DMXL1: variants seen among roughly 807,000 people sequenced by gnomAD.
DMXL1 encodes Dmx like 1, also known as dmX-like protein 1.
A neutral mutation model predicts 319.2 loss-of-function variants in DMXL1; 99 were observed. The observed-to-expected ratio is 0.31, with a 90% CI of 0.26 to 0.37. The LOEUF (loss-of-function observed/expected upper bound fraction) is 0.37, where lower values mean the gene tolerates loss of function less well. Among genes scored for constraint, DMXL1 ranks in the 10% least tolerant of loss-of-function variants. DMXL1 has a pLI of 1.00. For synonymous variants in DMXL1, 1,385 were observed against 1,235.2 expected (o/e 1.12, Z -2.54); for missense variants, 3,745 against 3,595.6 (o/e 1.04, Z -1.06).
rs201634842 is a variant in DMXL1 at position 119,202,883 on chromosome 5, T to TTATATATATATATATATATATATATA, written c.7746-435_7746-434insATATATATATATATATATATATATAT. ...TACATACATATATATATATATATAT[T>TTATATATATATATATATATATATATA]TTTATATATATATATATATATATTT... On this transcript the variant is annotated intron_variant, in intron 32 of 43. Coordinates refer to ENST00000539542, the MANE Select transcript of DMXL1 (RefSeq NM_001290321.3). Among the ~76,000 whole-genome samples, 129 of 71,410 alleles carry TTATATATATATATATATATATATATA rather than the reference T, an allele frequency of 1.8e-3. 2 individuals carry two copies. The highest frequency in any genetic ancestry group is 4.9e-3 in the African/African-American group (123 of 25,260). The allele number at this position is 71,410 out of a possible 152,430, so 46.8% of individuals were successfully genotyped here. A position where few individuals can be genotyped will look rare whatever the true frequency, so the allele number is the denominator to read the frequency against.
At chr5:119,230,848 C>T (rs1033000207) in intron 38 of DMXL1, among the ~76,000 whole-genome samples, 5 of 152,182 alleles carry the variant, frequency 3.3e-5, no homozygotes, top group African/African-American at 9.6e-5. Flanking sequence ...CACGATTGCA[C>T]TCCAGCCTGG....
chr5:119,221,287 G>C (rs925452734), intron 37 of DMXL1, among the ~76,000 whole-genome samples: 1 of 152,018 alleles, frequency 6.6e-6, no homozygotes, highest in Non-Finnish European at 1.5e-5. Context: ...AATATACTTT[G>C]CTTGAAAACC....
intron 18 of DMXL1, among the ~76,000 whole-genome samples, chr5:119,151,369 A>C (rs900315500): frequency 3.0e-4 from 46 of 152,322 alleles, no homozygotes; most frequent in African/African-American, 1.0e-3. Flanking sequence ...ATATAGGGTA[A>C]ATTTAATATA....
chr5:119,102,271 C>G (rs889201462), intron 3 of DMXL1: 2 of 266,190 alleles, frequency 7.5e-6, no homozygotes, highest in South Asian at 1.2e-4. Context: ...AGTCAGTAAC[C>G]TAAAGTTTGG....
Position 119,150,389 on chromosome 5 carries a change from C to G in DMXL1, c.4562C>G (p.Thr1521Ser), listed in dbSNP as rs1769501733. The G allele has an allele frequency of 1.2e-6, 2 of 1,613,184 alleles. No homozygotes were observed. Among genetic ancestry groups the G allele is most frequent in the South Asian group, 1.1e-5 (1 of 90,982 alleles). ...ALADTIATTS[T>S]DIGESRDRSQ... Reference sequence around the variant, plus strand: ...GCAGATACAATTGCAACTACAAGCACTGATATTGGAGAAAGCCGAGACAGA... The same window carrying G: ...GCAGATACAATTGCAACTACAAGCAGTGATATTGGAGAAAGCCGAGACAGA... The change falls in exon 18 of 44, where the codon ACT (threonine) becomes AGT (serine). Residue 1521 changes from threonine to serine, a missense_variant. Thr to Ser is a moderately conservative substitution (Grantham distance 58). Around this residue, in one of 4 missense-constraint regions of DMXL1, gnomAD observed 2,096 missense variants for 1,985.4 expected, o/e 1.06. Transcript: ENST00000539542.
At position 119,233,335 on chromosome 5, in the gene DMXL1, T is replaced by A. The variant is rs1787136701; in HGVS notation, c.8339-5T>A. On this transcript the variant is annotated splice_region_variant and splice_polypyrimidine_tract_variant and intron_variant, in intron 38 of 43. Coordinates refer to ENST00000539542, the MANE Select transcript of DMXL1 (RefSeq NM_001290321.3). ...ATCTGCAATTTTTGCCCTCTTGTAA[T>A]GCAGATCTGACAGGAGCTCAAGATG... 6.2e-7 allele frequency: 1 copy of A among 1,610,402 alleles called. No homozygotes were observed. The highest frequency in any genetic ancestry group is 8.5e-7 in the Non-Finnish European group (1 of 1,178,260).
At chr5:119,229,557 C>G (rs1304837666) in intron 38 of DMXL1, among the ~76,000 whole-genome samples, 2 of 152,174 alleles carry the variant, frequency 1.3e-5, no homozygotes, top group Non-Finnish European at 2.9e-5. Flanking sequence ...GTTCTGTACT[C>G]TTCCTCTTTC....
At chr5:119,122,591 C>A (rs575151337) in intron 9 of DMXL1, among the ~76,000 whole-genome samples, 3 of 147,570 alleles carry the variant, frequency 2.0e-5, no homozygotes, top group South Asian at 4.3e-4. Flanking sequence ...TCTGACGGGT[C>A]GGTTGCCAGG....
rs1173595789 is a variant in DMXL1 at position 119,164,478 on chromosome 5, T to C, written c.4703-29T>C. 5 of 1,594,118 alleles carry C rather than the reference T, an allele frequency of 3.1e-6. No individual in the cohort carries two copies. The Admixed American group carries it at 6.7e-5, about 21-fold the overall frequency. ...ATCATATAAGCATATTTATAATTCT[T>C]ATAAACATCATTTTTTACATTTCTT... On this transcript the variant is annotated intron_variant, in intron 19 of 43. Transcript: ENST00000539542.
rs551555647 is a variant in DMXL1, at chr5:119,171,075, G to A, written c.6284G>A (p.Gly2095Glu). The A allele has an allele frequency of 1.9e-6, 3 of 1,613,812 alleles. No homozygotes were observed. The highest frequency in any genetic ancestry group is 2.7e-5 in the African/African-American group (2 of 75,014). Residue 2095 changes from glycine (G) to glutamate (E), a missense_variant, in exon 24 of 44, where the codon GGA (glycine) becomes GAA (glutamate). Physicochemically the swap from Gly to Glu is moderately conservative, Grantham distance 98. Around this residue, in one of 4 missense-constraint regions of DMXL1, gnomAD observed 1,382 missense variants for 1,269.5 expected, o/e 1.09. Transcript: ENST00000539542. Reference sequence around the variant, plus strand: ...TTTGGCAGAAATGAAGATGAATTTGGATTAAATGAGGATGCTGAAGATTTG... The same window carrying A: ...TTTGGCAGAAATGAAGATGAATTTGAATTAAATGAGGATGCTGAAGATTTG... Reference protein sequence around the residue: ...SAFGRNEDEFGLNEDAEDLPH... With the variant: ...SAFGRNEDEFELNEDAEDLPH...
intron 38 of DMXL1, among the ~76,000 whole-genome samples, chr5:119,228,335 T>G (rs556455293): frequency 6.6e-6 from 1 of 152,322 alleles, no homozygotes; most frequent in African/African-American, 2.4e-5. Flanking sequence ...CATCTGTCAG[T>G]GACAAAAGAC....
chr5:119,177,878 A>C (rs1776102411), intron 27 of DMXL1, 118 bp from the exon 28 acceptor site: 6 of 893,246 alleles, frequency 6.7e-6, no homozygotes, highest in Non-Finnish European at 9.5e-6. Flanking sequence ...CTAGGGAAGA[A>C]AATACAGTAT....
At chr5:119,196,965 G>A (rs1435742010) in intron 31 of DMXL1, among the ~76,000 whole-genome samples, 1 of 152,100 alleles carries the variant, frequency 6.6e-6, no homozygotes, top group African/African-American at 2.4e-5. Flanking sequence ...TTATGCCGTA[G>A]TAGTAAATCA....
At chr5:119,138,609 C>A (rs1205133463) in intron 13 of DMXL1, among the ~76,000 whole-genome samples, 1 of 152,218 alleles carries the variant, frequency 6.6e-6, no homozygotes, top group Admixed American at 6.5e-5. Context: ...GAGGCCGTGG[C>A]AGGTGGATCA....
chr5:119,087,392 T>A (rs1467106499), intron 1 of DMXL1, among the ~76,000 whole-genome samples: 1 of 152,240 alleles, frequency 6.6e-6, no homozygotes, highest in African/African-American at 2.4e-5. Context: ...TTCATTTGTT[T>A]TAAGAAAGTT....
chr5:119,099,097 A>G (rs1193650764), intron 2 of DMXL1, among the ~76,000 whole-genome samples: 1 of 151,346 alleles, frequency 6.6e-6, no homozygotes, highest in Non-Finnish European at 1.5e-5. Flanking sequence ...GGTGTCCTCT[A>G]TCTTTTGTTG....
At chr5:119,163,421 T>C (rs562516456) in intron 19 of DMXL1, among the ~76,000 whole-genome samples, 1 of 152,246 alleles carries the variant, frequency 6.6e-6, no homozygotes, top group Non-Finnish European at 1.5e-5. Context: ...TTTTTTGTTT[T>C]TATTTTCATT....
In DMXL1 at chr5:119,143,907, G is replaced by T; in HGVS notation, c.2443G>T (p.Ala815Ser). ...QSTARPGCII[A>S]LDPITKLHGR... is the part of the protein sequence containing the mutation. The stretch of plus-strand genomic sequence containing the variant: ...AACAGCCAGGCCAGGATGCATTATT[G>T]CATTAGATCCCATTACCAAACTTGT... The change falls in exon 14 of 44, where the codon GCA (alanine) becomes TCA (serine). Residue 815 changes from alanine to serine, a missense_variant. This residue lies in a region of DMXL1 where 2,096 missense variants were observed against 1,985.4 expected (regional missense o/e 1.06). Coordinates refer to ENST00000539542, the MANE Select transcript of DMXL1 (RefSeq NM_001290321.3). 2 of 1,580,330 alleles carry T rather than the reference G, an allele frequency of 1.3e-6. No individual in the cohort carries two copies. Among genetic ancestry groups the T allele is most frequent in the South Asian group, 2.4e-5 (2 of 84,140 alleles).
chr5:119,119,349 G>T (rs1283579361), intron 8 of DMXL1, among the ~76,000 whole-genome samples: 1 of 152,052 alleles, frequency 6.6e-6, no homozygotes, highest in Non-Finnish European at 1.5e-5. Flanking sequence ...GTCCTATTCT[G>T]TTCTTCTACC....
Sources: allele counts gnomAD v4.1 joint callset (sites outside exome capture counted in the v4.1 genomes callset), GRCh38; gene constraint gnomAD v4.1.1; regional missense constraint gnomAD v4.1.1; transcripts MANE v1.5; gene names NCBI Gene and HGNC (gene_info 2026-07-23, HGNC 2026-07-21).